Variants in FCMR observed in about 807,000 individuals in gnomAD.
FCMR encodes the protein immunoglobulin mu Fc receptor.
Under a neutral mutation model 41.6 loss-of-function variants are expected in FCMR, and 34 were observed. The observed-to-expected ratio is 0.82, with a 90% CI of 0.62 to 1.09. The LOEUF (loss-of-function observed/expected upper bound fraction) is 1.09, where lower values mean the gene tolerates loss of function less well. Ranked by LOEUF, FCMR falls within the 50% of genes least tolerant of loss-of-function variation. The pLI, the probability that FCMR is intolerant of heterozygous loss-of-function variation, is 0.00. For synonymous variants in FCMR, 209 were observed against 211.8 expected (o/e 0.99, Z 0.12); for missense variants, 496 against 512.5 (o/e 0.97, Z 0.31).
At chr1:206,905,950 C>A in intron 7 of FCMR, 1 of 178,066 alleles carries the variant, frequency 5.6e-6, no homozygotes, top group East Asian at 1.8e-4. Flanking sequence ...AGTAAGAAGC[C>A]ACAAAACAGA....
At chr1:206,922,459 G>A (rs1437383915), upstream of FCMR, among the ~76,000 whole-genome samples, 1 of 152,206 alleles carries the variant, frequency 6.6e-6, no homozygotes, top group Non-Finnish European at 1.5e-5. Flanking sequence ...ACTTTTCTCT[G>A]AGCCTGAATT....
rs1464212318 is a variant in FCMR, at chr1:206,904,883, G to A, written c.*136C>T. The A allele has an allele frequency of 5.3e-6, 5 of 937,018 alleles. No individual in the cohort carries two copies. Among genetic ancestry groups the A allele is most frequent in the Non-Finnish European group, 8.5e-6 (5 of 590,162 alleles). 58.0% of individuals were successfully genotyped at this position (937,018 alleles called of 1,614,324 possible). A position where few individuals can be genotyped will look rare whatever the true frequency, so the allele number is the denominator to read the frequency against. On this transcript the variant is annotated 3_prime_UTR_variant, in exon 8 of 8. Transcript: ENST00000367091. ...CATGCTCAGGGCACAGATAGATGGG[G>A]ATGGGAGTCGAGATGGGGCATGGGA...
At chr1:206,915,307 G>A (rs1048205666) in intron 1 of FCMR, among the ~76,000 whole-genome samples, 3 of 152,160 alleles carry the variant, frequency 2.0e-5, no homozygotes, top group African/African-American at 4.8e-5. Context: ...AGGGGGTGGC[G>A]TGGTCGGAGG....
At position 206,905,016 on chromosome 1, in the gene FCMR, T is replaced by C. The variant is rs941576373; in HGVS notation, c.*3A>G. The C allele has an allele frequency of 1.3e-5, 21 of 1,613,146 alleles. No homozygotes were observed. Among genetic ancestry groups the C allele is most frequent in the Non-Finnish European group, 1.7e-5 (20 of 1,179,840 alleles). On this transcript the variant is annotated 3_prime_UTR_variant, in exon 8 of 8. Coordinates refer to ENST00000367091, the MANE Select transcript of FCMR (RefSeq NM_005449.5). ...CTGGGGTTGGGGGATAGCTGGGGAGTTGTCAGGCAGGAACATTGATGTAGT... is the reference window on the plus strand; with the variant it reads ...CTGGGGTTGGGGGATAGCTGGGGAGCTGTCAGGCAGGAACATTGATGTAGT...
chr1:206,918,550 A>C (rs1449575620), intron 1 of FCMR, among the ~76,000 whole-genome samples: 1 of 152,124 alleles, frequency 6.6e-6, no homozygotes, highest in Non-Finnish European at 1.5e-5. Context: ...TTTCTCTTCC[A>C]AAACCTGACC....
chr1:206,921,685 G>A, intron 1 of FCMR, 133 bp downstream of exon 1: 1 of 818,994 alleles, frequency 1.2e-6, no homozygotes, highest in Non-Finnish European at 2.1e-6. Context: ...CTCCATTCTT[G>A]TCCTGCCCTA....
chr1:206,921,166 T>C (rs781628172), intron 1 of FCMR, among the ~76,000 whole-genome samples: 1 of 152,148 alleles, frequency 6.6e-6, no homozygotes, highest in Non-Finnish European at 1.5e-5. Context: ...TCATTTAGGG[T>C]TGAAAGTTGG....
chr1:206,909,810 C>T lies in FCMR; in HGVS notation c.900G>A (p.Gln300=). Residue 300 remains glutamine (Q), a synonymous_variant, in exon 6 of 8, where the codon CAG becomes CAA. Coordinates refer to ENST00000367091, the MANE Select transcript of FCMR (RefSeq NM_005449.5). The surrounding 1 kb of genome is among the most constrained non-coding windows in gnomAD (Gnocchi z 5.0). Reference sequence around the variant, plus strand: ...GCGGTCGCGGCGACCCGCGGGGCCTCTGGGAGCTCTCCAGGGCGCGCATCC... The same window carrying T: ...GCGGTCGCGGCGACCCGCGGGGCCTTTGGGAGCTCTCCAGGGCGCGCATCC... The part of the protein sequence containing the change: ...AVRMRALESS[Q]RPRGSPRPRS... The T allele has an allele frequency of 7.0e-7, 1 of 1,426,602 alleles. No homozygotes were observed. The highest frequency in any genetic ancestry group is 9.1e-7 in the Non-Finnish European group (1 of 1,099,674). 88.4% of individuals were successfully genotyped at this position (1,426,602 alleles called of 1,614,324 possible).
rs75452690 is a variant in FCMR at position 206,916,413 on chromosome 1, C to T, written c.38-2319G>A. Among the ~76,000 whole-genome samples, 1,262 of 152,272 alleles carry T rather than the reference C, an allele frequency of 8.3e-3. 16 individuals carry two copies. The highest frequency in any genetic ancestry group is 0.029 in the African/African-American group (1,207 of 41,542). ...TTCCCAAGAGCAAGATGGTACACAACGGGCAGGGGGAAGATAGCAGAGATG... is the reference window on the plus strand; with the variant it reads ...TTCCCAAGAGCAAGATGGTACACAATGGGCAGGGGGAAGATAGCAGAGATG... On this transcript the variant is annotated intron_variant, in intron 1 of 7. Transcript: ENST00000367091.
intron 4 of FCMR, 146 bp downstream of exon 4, chr1:206,911,584 G>A: frequency 4.2e-6 from 3 of 712,304 alleles, no homozygotes; most frequent in Non-Finnish European, 4.7e-6. Context: ...GAACTAATGA[G>A]TTAATGAGCT....
chr1:206,916,647 T>C (rs1322272338), intron 1 of FCMR, among the ~76,000 whole-genome samples: 1 of 152,226 alleles, frequency 6.6e-6, no homozygotes, highest in Non-Finnish European at 1.5e-5. Flanking sequence ...AAGAAACTAG[T>C]TCTCCTCAAG....
rs779209742 is a variant in FCMR at position 206,909,739 on chromosome 1, C to G, written c.971G>C (p.Gly324Ala). 17 of 1,461,494 alleles carry G rather than the reference C, an allele frequency of 1.2e-5. No homozygotes were observed. Among genetic ancestry groups the G allele is most frequent in the South Asian group, 6.7e-5 (5 of 74,622 alleles). 90.5% of individuals were successfully genotyped at this position (1,461,494 alleles called of 1,614,324 possible). ...CGGCGGCTCACCTGCAGCGTCCGCT[C>G]CACGAGCGCGCCGCGGGCAGGCGCT... ...IYSACPRRAR[G>A]ADAAGTGEAP... Residue 324 changes from glycine to alanine, a missense_variant, in exon 6 of 8, where the codon GGA (glycine) becomes GCA (alanine). Physicochemically the swap from Gly to Ala is moderately conservative, Grantham distance 60. Coordinates refer to ENST00000367091, the MANE Select transcript of FCMR (RefSeq NM_005449.5). This position sits in a 1 kb window ranked among gnomAD's most constrained non-coding sequence, Gnocchi z 5.0.
At chr1:206,912,145 A>G (rs1678971506) in intron 3 of FCMR, among the ~76,000 whole-genome samples, 193 bp from the exon 4 acceptor site, 1 of 152,140 alleles carries the variant, frequency 6.6e-6, no homozygotes, top group South Asian at 2.1e-4. Context: ...ATTTGCTTCA[A>G]ATACCATTTC....
At chr1:206,917,069 A>T (rs1174617981) in intron 1 of FCMR, among the ~76,000 whole-genome samples, 1 of 152,240 alleles carries the variant, frequency 6.6e-6, no homozygotes, top group Non-Finnish European at 1.5e-5. Flanking sequence ...TGGTTATGGT[A>T]GGGAAGAGGG....
chr1:206,906,495 ACTTT>A (rs1678651211), intron 7 of FCMR: 2 of 153,432 alleles, frequency 1.3e-5, no homozygotes, highest in Admixed American at 6.5e-5. Flanking sequence ...GTTTTAATTA[ACTTT>A]CTTTGTCTGA....
chr1:206,918,312 C>T (rs1000785924), intron 1 of FCMR, among the ~76,000 whole-genome samples: 2 of 152,178 alleles, frequency 1.3e-5, no homozygotes, highest in Non-Finnish European at 2.9e-5. Flanking sequence ...TCCATCCTGG[C>T]TAGCCCAGGC....
intron 7 of FCMR, chr1:206,906,333 G>T: frequency 4.6e-6 from 1 of 216,544 alleles, no homozygotes; most frequent in East Asian, 1.2e-4. Context: ...AGAAGAGACT[G>T]AGGACGGGAA....
intron 7 of FCMR, among the ~76,000 whole-genome samples, chr1:206,907,095 T>TG (rs1558645957): frequency 1.7e-4 from 2 of 12,096 alleles, no homozygotes; most frequent in East Asian, 3.8e-3. Flanking sequence ...GGTGGGGGGG[T>TG]GGGGGGGTGG....
chr1:206,910,186 C>G (rs778459526), intron 5 of FCMR, 24 bp downstream of exon 5: 1 of 1,577,330 alleles, frequency 6.3e-7, no homozygotes, highest in South Asian at 1.2e-5. Context: ...GCTCAGCTCT[C>G]CCTACCGAAG....
Sources: allele counts gnomAD v4.1 joint callset (sites outside exome capture counted in the v4.1 genomes callset), GRCh38; gene constraint gnomAD v4.1.1; non-coding constraint Gnocchi (gnomAD v3.1); transcripts MANE v1.5; gene names NCBI Gene and HGNC (gene_info 2026-07-23, HGNC 2026-07-21).